The following GOLGA8B variants were observed in gnomAD, a reference collection of about 807,000 sequenced individuals.
GOLGA8B encodes golgin A8 family member B, also known as golgin subfamily A member 8B.
In GOLGA8B, 1 loss-of-function variant was observed where a neutral mutation model predicts 15.6. That is an observed-to-expected ratio of 0.06 (90% CI 0.02 to 0.30). The LOEUF (loss-of-function observed/expected upper bound fraction) is 0.30, where lower values mean the gene tolerates loss of function less well. Among genes scored for constraint, GOLGA8B ranks in the 10% least tolerant of loss-of-function variants. GOLGA8B has a pLI of 1.00. For synonymous variants in GOLGA8B, 9 were observed against 80.3 expected, an observed-to-expected ratio of 0.11 and a Z score of 4.75; for missense variants, 17 against 201.3, an observed-to-expected ratio of 0.08 and a Z score of 5.54.
chr15:34,525,727 G>A lies in GOLGA8B; in HGVS notation c.*1905C>T, dbSNP rs369101372. 3 of 149,644 alleles carry A rather than the reference G, an allele frequency of 2.0e-5. 1 individual carries two copies. Among genetic ancestry groups the A allele is most frequent in the African/African-American group, 7.4e-5 (3 of 40,422 alleles). The allele number at this position is 149,644 out of a possible 1,614,324, so 9.3% of individuals were successfully genotyped here. A position where few individuals can be genotyped will look rare whatever the true frequency, so the allele number is the denominator to read the frequency against. ...TACATTGATAAATTCATACAATTCGGAAGAGTCAGTTGAAGTCACAAGGAC... is the reference window on the plus strand; with the variant it reads ...TACATTGATAAATTCATACAATTCGAAAGAGTCAGTTGAAGTCACAAGGAC... On this transcript the variant is annotated 3_prime_UTR_variant, in exon 24 of 24. Coordinates refer to ENST00000683415, the MANE Select transcript of GOLGA8B (RefSeq NM_001023567.5).
At position 34,527,289 on chromosome 15, in the gene GOLGA8B, C is replaced by A. The variant is rs1888078837; in HGVS notation, c.*343G>T. On this transcript the variant is annotated 3_prime_UTR_variant, in exon 24 of 24. Coordinates refer to ENST00000683415, the MANE Select transcript of GOLGA8B (RefSeq NM_001023567.5). ...CAATAACATTAAAAAAGCACGGGAG[C>A]CTATTCCAAACCAGCGAGAACAGTT... is the stretch of plus-strand genomic sequence containing the variant. 2.7e-6 allele frequency: 1 copy of A among 364,146 alleles called. No individual in the cohort carries two copies. Among genetic ancestry groups the A allele is most frequent in the Non-Finnish European group, 5.1e-6 (1 of 195,676 alleles). 22.6% of individuals were successfully genotyped at this position (364,146 alleles called of 1,614,324 possible). A position where few individuals can be genotyped will look rare whatever the true frequency, so the allele number is the denominator to read the frequency against.
rs1888691839 is a variant in GOLGA8B, at chr15:34,564,096, G to A, written c.-1122-10140C>T. On this transcript the variant is annotated intron_variant, in intron 1 of 23. Coordinates refer to ENST00000683415, the MANE Select transcript of GOLGA8B (RefSeq NM_001023567.5). Reference sequence around the variant, plus strand: ...CTGGAAATAATCTGGAGACATTTTCGGTTGTCACAACTGGTCATGATGGGA... The same window carrying A: ...CTGGAAATAATCTGGAGACATTTTCAGTTGTCACAACTGGTCATGATGGGA... Among the ~76,000 whole-genome samples, 2 of 141,260 alleles carry A rather than the reference G, an allele frequency of 1.4e-5. 1 individual carries two copies. The highest frequency in any genetic ancestry group is 3.2e-5 in the Non-Finnish European group (2 of 62,250). 92.7% of individuals were successfully genotyped at this position (141,260 alleles called of 152,430 possible). A position where few individuals can be genotyped will look rare whatever the true frequency, so the allele number is the denominator to read the frequency against.
At chr15:34,571,361 T>C (rs1011486269) in intron 1 of GOLGA8B, among the ~76,000 whole-genome samples, 6 of 151,758 alleles carry the variant, frequency 4.0e-5, no homozygotes, top group Non-Finnish European at 7.4e-5. Context: ...CAAAGGAATA[T>C]AGGAGAAAGG....
intron 1 of GOLGA8B, among the ~76,000 whole-genome samples, chr15:34,570,852 A>C (rs1209608046): frequency 9.6e-6 from 1 of 103,814 alleles, no homozygotes; most frequent in Non-Finnish European, 2.1e-5. Flanking sequence ...AACATGCATG[A>C]ATAAAGCAAT....
chr15:34,578,197 A>T (rs1273270959), intron 1 of GOLGA8B, among the ~76,000 whole-genome samples: 4 of 152,196 alleles, frequency 2.6e-5, no homozygotes, highest in Non-Finnish European at 5.9e-5. Context: ...AGGGACAAGA[A>T]GTGCTAAGAA....
chr15:34,571,479 A>G (rs1421965010), intron 1 of GOLGA8B, among the ~76,000 whole-genome samples: 2 of 151,916 alleles, frequency 1.3e-5, no homozygotes, highest in African/African-American at 4.8e-5. Context: ...TGGCACAACA[A>G]TAAAGCAGTA....
intron 1 of GOLGA8B, among the ~76,000 whole-genome samples, chr15:34,571,465 A>G (rs1888911848): frequency 6.6e-6 from 1 of 152,032 alleles, no homozygotes; most frequent in Non-Finnish European, 1.5e-5. Flanking sequence ...TACACGGTAG[A>G]TAGTGGCACA....
At chr15:34,569,032 A>C (rs1403874030) in intron 1 of GOLGA8B, among the ~76,000 whole-genome samples, 1 of 149,488 alleles carries the variant, frequency 6.7e-6, no homozygotes, top group Non-Finnish European at 1.5e-5. Flanking sequence ...CTCTGTCCAC[A>C]GTGCTCTTCC....
At chr15:34,580,820 A>G (rs994782496) in intron 1 of GOLGA8B, among the ~76,000 whole-genome samples, 2 of 152,194 alleles carry the variant, frequency 1.3e-5, no homozygotes, top group South Asian at 4.2e-4. Context: ...GTGAGCAACC[A>G]TCTCAAACTT....
At chr15:34,572,808 T>C (rs1405964205) in intron 1 of GOLGA8B, among the ~76,000 whole-genome samples, 9 of 152,228 alleles carry the variant, frequency 5.9e-5, no homozygotes, top group Non-Finnish European at 2.9e-5. Context: ...GATCTCAAGA[T>C]CTGTGTTATA....
intron 1 of GOLGA8B, among the ~76,000 whole-genome samples, 197 bp downstream of exon 1, chr15:34,583,319 C>T (rs1414164709): frequency 6.6e-6 from 1 of 152,078 alleles, no homozygotes; most frequent in African/African-American, 2.4e-5. Flanking sequence ...GTCCGAGAGG[C>T]GTAGGCCAGC....
intron 1 of GOLGA8B, among the ~76,000 whole-genome samples, chr15:34,569,844 G>C (rs996419523): frequency 6.6e-6 from 1 of 151,396 alleles, no homozygotes; most frequent in East Asian, 1.9e-4. Flanking sequence ...GTCAAGGCTA[G>C]AACATAAATG....
intron 1 of GOLGA8B, among the ~76,000 whole-genome samples, chr15:34,579,557 C>A (rs1226404171): frequency 6.6e-6 from 1 of 152,216 alleles, no homozygotes; most frequent in Non-Finnish European, 1.5e-5. Context: ...AAAGCTCATT[C>A]TTTGGGCTGG....
chr15:34,577,297 T>C (rs896910961), intron 1 of GOLGA8B, among the ~76,000 whole-genome samples: 12 of 152,022 alleles, frequency 7.9e-5, no homozygotes, highest in Non-Finnish European at 1.6e-4. Context: ...ATGCATGCGG[T>C]TACTCAACTA....
At chr15:34,577,507 TACACACACAC>T (rs71119972) in intron 1 of GOLGA8B, among the ~76,000 whole-genome samples, 6,482 of 125,262 alleles carry the variant, frequency 0.052, 247 homozygotes, top group African/African-American at 0.12. Context: ...TTATATATCA[TACACACACAC>T]ACACACACAC....
At chr15:34,580,750 C>A (rs1452943465) in intron 1 of GOLGA8B, among the ~76,000 whole-genome samples, 1 of 152,096 alleles carries the variant, frequency 6.6e-6, no homozygotes. Flanking sequence ...TCAGGCCAAC[C>A]ACCATCCAAG....
chr15:34,577,434 T>C (rs1327735072), intron 1 of GOLGA8B, among the ~76,000 whole-genome samples: 1 of 151,872 alleles, frequency 6.6e-6, no homozygotes, highest in South Asian at 2.1e-4. Context: ...GAGGAATCCA[T>C]ATTTAGAGCT....
intron 1 of GOLGA8B, among the ~76,000 whole-genome samples, chr15:34,574,598 C>G (rs1889016476): frequency 6.6e-6 from 1 of 152,120 alleles, no homozygotes. Context: ...ACCACCGTGC[C>G]CAGCCTTCAA....
intron 1 of GOLGA8B, among the ~76,000 whole-genome samples, chr15:34,576,049 G>A (rs1595711864): frequency 1.4e-5 from 2 of 138,888 alleles, no homozygotes; most frequent in East Asian, 2.3e-4. Flanking sequence ...GGTGAATGAC[G>A]GGACGGGCAA....
Sources: gnomAD v4.1 joint callset for allele counts (sites outside exome capture counted in the v4.1 genomes callset) on GRCh38, gnomAD v4.1.1 for gene constraint, MANE v1.5 for transcripts, NCBI Gene and HGNC (gene_info 2026-07-23, HGNC 2026-07-21) for gene names.